The following RBFOX1 variants were observed in gnomAD, a reference collection of about 807,000 sequenced individuals.
RBFOX1 encodes the protein RNA binding fox-1 homolog 1, also known as RNA binding protein fox-1 homolog 1.
RBFOX1 carries 8 observed loss-of-function variants against 57.7 expected under a neutral mutation model. That is an observed-to-expected ratio of 0.14 (90% CI 0.08 to 0.25). The LOEUF (loss-of-function observed/expected upper bound fraction) is 0.25, where lower values mean the gene tolerates loss of function less well. Ranked by LOEUF, RBFOX1 falls within the 10% of genes least tolerant of loss-of-function variation. The probability of loss-of-function intolerance (pLI) is 1.00; values close to 1 mark genes in which losing one functional copy is unlikely to be tolerated. For missense variants in RBFOX1, 611 were observed against 548.5 expected, an observed-to-expected ratio of 1.11 and a Z score of -1.14; for synonymous variants, 326 against 222.4, an observed-to-expected ratio of 1.47 and a Z score of -4.15.
At chr16:5,466,905 C>G (rs940864099) in intron 1 of RBFOX1, among the ~76,000 whole-genome samples, 8 of 152,192 alleles carry the variant, frequency 5.3e-5, no homozygotes, top group African/African-American at 1.9e-4. Context: ...TTGTTATCAT[C>G]ATAGGAATTA....
At chr16:5,642,336 G>A (rs950056036) in intron 3 of RBFOX1, among the ~76,000 whole-genome samples, 8 of 152,168 alleles carry the variant, frequency 5.3e-5, no homozygotes, top group African/African-American at 1.9e-4. Flanking sequence ...ATACATGAAA[G>A]CAATCCATGC....
intron 3 of RBFOX1, among the ~76,000 whole-genome samples, chr16:6,664,539 T>C (rs1254980381): frequency 1.3e-5 from 2 of 152,178 alleles, no homozygotes; most frequent in Non-Finnish European, 2.9e-5. Context: ...TAGATCTCAT[T>C]GTGTCCTTTT....
At chr16:6,453,289 T>A (rs2094680896) in intron 2 of RBFOX1, among the ~76,000 whole-genome samples, 1 of 152,016 alleles carries the variant, frequency 6.6e-6, no homozygotes, top group African/African-American at 2.4e-5. Flanking sequence ...CAGGCCCCGG[T>A]GTGTGATGTT....
At chr16:6,483,086 C>G (rs983170329) in intron 2 of RBFOX1, 44 of 984,316 alleles carry the variant, frequency 4.5e-5, no homozygotes, top group Non-Finnish European at 5.3e-5. Flanking sequence ...GTGCCTCCGA[C>G]CCGTAGGGGC....
intron 4 of RBFOX1, among the ~76,000 whole-genome samples, chr16:7,444,807 C>CA: frequency 6.6e-6 from 1 of 152,284 alleles, no homozygotes; most frequent in South Asian, 2.1e-4. Flanking sequence ...GTTGGGGTTA[C>CA]AGGCATAAGC....
At chr16:5,469,106 C>G (rs1338223659) in intron 2 of RBFOX1, among the ~76,000 whole-genome samples, 4 of 152,216 alleles carry the variant, frequency 2.6e-5, no homozygotes. Context: ...AGCGGGCAAG[C>G]TCTGGCCTGT....
intron 3 of RBFOX1, among the ~76,000 whole-genome samples, chr16:6,970,289 A>T (rs368768428): frequency 1.3e-5 from 2 of 152,214 alleles, no homozygotes; most frequent in Non-Finnish European, 2.9e-5. Context: ...TGACCCAACA[A>T]CATCATCACC....
intron 3 of RBFOX1, among the ~76,000 whole-genome samples, chr16:5,770,221 C>G (rs916986699): frequency 3.3e-5 from 5 of 151,458 alleles, no homozygotes; most frequent in African/African-American, 1.2e-4. Context: ...GAACACCAGT[C>G]ACAACCCCGC....
At chr16:6,385,615 C>A (rs1363919817) in intron 2 of RBFOX1, among the ~76,000 whole-genome samples, 1 of 152,238 alleles carries the variant, frequency 6.6e-6, no homozygotes, top group African/African-American at 2.4e-5. Flanking sequence ...CTGCCTCGGC[C>A]TCCCGATGTG....
At position 6,181,574 on chromosome 16, in the gene RBFOX1, C is replaced by T. The variant is rs78323183; in HGVS notation, c.-126-135421C>T. Among the ~76,000 whole-genome samples the T allele has an allele frequency of 7.8e-3, 1,191 of 152,224 alleles. 16 individuals carry two copies. Among genetic ancestry groups the T allele is most frequent in the African/African-American group, 0.028 (1,152 of 41,524 alleles). ...GCATCCTATTAGCCAGGAAAGGGCA[C>T]AACGCATTGGGAAAACTTGTTTTAA... is the stretch of plus-strand genomic sequence containing the variant. On this transcript the variant is annotated intron_variant, in intron 1 of 15. Transcript: ENST00000550418.
chr16:5,999,922 A>C (rs2152328219), intron 4 of RBFOX1, among the ~76,000 whole-genome samples: 2 of 149,206 alleles, frequency 1.3e-5, no homozygotes, highest in East Asian at 2.0e-4. Flanking sequence ...GAAGAAGGGA[A>C]ATCAGACAAG....
chr16:5,469,945 G>T (rs1200208309), intron 2 of RBFOX1, among the ~76,000 whole-genome samples: 1 of 152,220 alleles, frequency 6.6e-6, no homozygotes, highest in African/African-American at 2.4e-5. Flanking sequence ...TGCAAAGAGT[G>T]TGCCACCATA....
At chr16:7,328,477 C>CACA (rs2096641808) in intron 4 of RBFOX1, among the ~76,000 whole-genome samples, 1 of 60,748 alleles carries the variant, frequency 1.6e-5, no homozygotes, top group Non-Finnish European at 3.1e-5. Flanking sequence ...GACTCTGTCT[C>CACA]AAAAAAAAAA....
intron 1 of RBFOX1, among the ~76,000 whole-genome samples, chr16:5,404,122 A>G (rs1596883708): frequency 6.6e-6 from 1 of 150,742 alleles, no homozygotes; most frequent in Admixed American, 6.6e-5. Context: ...GGAGATGGGG[A>G]TGATTAACAC....
intron 2 of RBFOX1, among the ~76,000 whole-genome samples, chr16:6,337,408 C>T (rs1323794060): frequency 6.6e-6 from 1 of 152,152 alleles, no homozygotes; most frequent in Non-Finnish European, 1.5e-5. Context: ...TCCAGGATAA[C>T]CCAAACCAGA....
chr16:7,682,588 A>G (rs2075047661), intron 14 of RBFOX1, among the ~76,000 whole-genome samples: 1 of 150,030 alleles, frequency 6.7e-6, no homozygotes. Flanking sequence ...AACCTGATGA[A>G]CTCTCTTGGG....
At chr16:5,855,240 TGTTCA>T (rs1310830348) in intron 3 of RBFOX1, among the ~76,000 whole-genome samples, 1 of 152,222 alleles carries the variant, frequency 6.6e-6, no homozygotes, top group Non-Finnish European at 1.5e-5. Flanking sequence ...AAAGCCTACT[TGTTCA>T]TTTTTGCTTT....
rs180870796 is a variant in RBFOX1, at chr16:6,899,850, A to T, written c.-15-152207A>T. Among the ~76,000 whole-genome samples the T allele has an allele frequency of 2.0e-5, 3 of 152,318 alleles. No individual in the cohort carries two copies. The East Asian group carries it at 5.8e-4, about 29-fold the overall frequency. ...AGCAGGCAGGAGCATTTCGTTAGTA[A>T]ATAATAGTAGGGCCATGTCCAGGTG... On this transcript the variant is annotated intron_variant, in intron 3 of 15. Coordinates refer to ENST00000550418, the MANE Select transcript of RBFOX1 (RefSeq NM_018723.4).
intron 4 of RBFOX1, among the ~76,000 whole-genome samples, chr16:7,364,306 T>A (rs1371431384): frequency 6.6e-6 from 1 of 152,256 alleles, no homozygotes; most frequent in East Asian, 1.9e-4. Flanking sequence ...ATCTTGCAGT[T>A]ACTATGGAGA....
Sources: gnomAD v4.1 joint callset for allele counts (sites outside exome capture counted in the v4.1 genomes callset) on GRCh38, gnomAD v4.1.1 for gene constraint, MANE v1.5 for transcripts, NCBI Gene and HGNC (gene_info 2026-07-23, HGNC 2026-07-21) for gene names.